LIMCH1: variants seen among roughly 807,000 people sequenced by gnomAD.
The protein encoded by LIMCH1 is LIM and calponin homology domains 1.
In LIMCH1, 113 loss-of-function variants were observed where a neutral mutation model predicts 176.5. The ratio of observed to expected loss-of-function variants is 0.64; its 90% CI spans 0.55 to 0.75. LIMCH1 has a LOEUF of 0.75. Among genes scored for constraint, LIMCH1 ranks in the 30% least tolerant of loss-of-function variants. LIMCH1 has a pLI of 0.00. For missense variants in LIMCH1, 1,674 were observed against 1,814.9 expected, an observed-to-expected ratio of 0.92 and a Z score of 1.41; for synonymous variants, 619 against 645.9, an observed-to-expected ratio of 0.96 and a Z score of 0.63.
At chr4:41,360,750 C>T (rs1328684013), upstream of LIMCH1, 6 of 883,922 alleles carry the variant, frequency 6.8e-6, no homozygotes, top group African/African-American at 1.8e-5. The surrounding 1 kb of genome is among the most constrained non-coding windows in gnomAD (Gnocchi z 4.5). Flanking sequence ...GGGAGGCCGG[C>T]GGGCGGGAAG....
chr4:41,402,524 C>T (rs1455556553), intron 1 of LIMCH1, among the ~76,000 whole-genome samples: 1 of 140,136 alleles, frequency 7.1e-6, no homozygotes, highest in Non-Finnish European at 1.5e-5. Flanking sequence ...GACACATGCA[C>T]ACGTATGTTT....
At chr4:41,605,037 A>G (rs923044510) in intron 3 of LIMCH1, among the ~76,000 whole-genome samples, 8 of 152,180 alleles carry the variant, frequency 5.3e-5, no homozygotes, top group Non-Finnish European at 1.5e-5. Context: ...TAGCTTCTAC[A>G]TGGGCCTCAG....
intron 22 of LIMCH1, among the ~76,000 whole-genome samples, chr4:41,672,608 T>C (rs140130710): frequency 3.4e-4 from 52 of 152,350 alleles, no homozygotes; most frequent in Middle Eastern, 3.4e-3. Flanking sequence ...CTTTCTATTT[T>C]GTATTTTAAT....
Position 41,619,396 on chromosome 4 carries a change from C to G in LIMCH1, c.414C>G (p.Ser138Arg), listed in dbSNP as rs2092391251. The stretch of plus-strand genomic sequence containing the variant: ...CAGAGAGAGAGGAATACCGCAAGAG[C>G]TGGAGTACCGCCACCTCCCCGCTGG... ...KKAEREEYRK[S>R]WSTATSPLGG... The change falls in exon 6 of 32, where the codon AGC becomes AGG. Residue 138 changes from serine to arginine, a missense_variant. By Grantham distance (110) the Ser-to-Arg change is moderately radical. Transcript: ENST00000503057. 5 of 1,613,044 alleles carry G rather than the reference C, an allele frequency of 3.1e-6. No homozygotes were observed. Among genetic ancestry groups the G allele is most frequent in the Non-Finnish European group, 4.2e-6 (5 of 1,180,028 alleles).
At chr4:41,474,740 A>G (rs1212597930) in intron 1 of LIMCH1, among the ~76,000 whole-genome samples, 3 of 152,236 alleles carry the variant, frequency 2.0e-5, no homozygotes, top group Non-Finnish European at 2.9e-5. Flanking sequence ...GTAAATTAGT[A>G]TAGCCATTTT....
chr4:41,464,904 C>G (rs2065905887), intron 1 of LIMCH1, among the ~76,000 whole-genome samples: 2 of 152,178 alleles, frequency 1.3e-5, no homozygotes, highest in South Asian at 4.2e-4. Flanking sequence ...AGTGAATTAT[C>G]TCTGAGGGTG....
At chr4:41,412,717 T>C (rs1264063555) in intron 1 of LIMCH1, among the ~76,000 whole-genome samples, 1 of 152,126 alleles carries the variant, frequency 6.6e-6, no homozygotes, top group East Asian at 1.9e-4. Flanking sequence ...CAAGAGACTC[T>C]GGGGAAGTGA....
chr4:41,633,805 A>C lies in LIMCH1; in HGVS notation c.2087A>C (p.Gln696Pro). 6.5e-7 allele frequency: 1 copy of C among 1,535,694 alleles called. No individual in the cohort carries two copies. The highest frequency in any genetic ancestry group is 8.7e-7 in the Non-Finnish European group (1 of 1,146,512). ...TCTAAAGGTCTACCCATGAAAGATC[A>C]GAGGTCAGAAAGTTATTCTGTGCCC... ...ESSKGLPMKD[Q>P]RYGPRTPVSD... Residue 696 changes from glutamine to proline, a missense_variant, in exon 13 of 32, where the codon CAG becomes CCG. Coordinates refer to ENST00000503057, the MANE Select transcript of LIMCH1 (RefSeq NM_001330672.2).
At chr4:41,677,837 AAAAT>A (rs200541073) in intron 23 of LIMCH1, among the ~76,000 whole-genome samples, 7 of 152,050 alleles carry the variant, frequency 4.6e-5, no homozygotes, top group South Asian at 2.1e-4. Context: ...TGATTTTACA[AAAAT>A]AAATAAATAA....
intron 1 of LIMCH1, among the ~76,000 whole-genome samples, chr4:41,579,981 G>C (rs868043740): frequency 2.0e-5 from 3 of 152,308 alleles, no homozygotes; most frequent in Middle Eastern, 3.4e-3. Context: ...CAGCCTTCGG[G>C]GAGGGCACCA....
chr4:41,405,656 G>A (rs1443602044), intron 1 of LIMCH1, among the ~76,000 whole-genome samples: 1 of 152,092 alleles, frequency 6.6e-6, no homozygotes, highest in South Asian at 2.1e-4. Context: ...CTTGTGCATA[G>A]TAGCTGTTCA....
At chr4:41,451,265 G>A (rs2063838092) in intron 1 of LIMCH1, among the ~76,000 whole-genome samples, 1 of 150,718 alleles carries the variant, frequency 6.6e-6, no homozygotes. Context: ...ACAGGGATGT[G>A]CCACCACGCC....
chr4:41,557,719 G>A (rs1191183934), intron 1 of LIMCH1, among the ~76,000 whole-genome samples: 1 of 152,100 alleles, frequency 6.6e-6, no homozygotes, highest in East Asian at 1.9e-4. Context: ...TCCCGACACT[G>A]CATGGAAGGA....
At chr4:41,364,284 A>T (rs543125717) in intron 1 of LIMCH1, among the ~76,000 whole-genome samples, 4 of 152,296 alleles carry the variant, frequency 2.6e-5, no homozygotes, top group African/African-American at 7.2e-5. Flanking sequence ...AAGTATGGTT[A>T]GTAGTATTAT....
intron 1 of LIMCH1, among the ~76,000 whole-genome samples, chr4:41,575,216 C>T (rs754153486): frequency 3.9e-5 from 6 of 152,178 alleles, no homozygotes; most frequent in Non-Finnish European, 7.4e-5. Context: ...TTTTTAAAAG[C>T]ATCGCTGATT....
In LIMCH1 at chr4:41,372,820, A is replaced by G. The variant is rs1167768048; in HGVS notation, c.96+11884A>G. Among the ~76,000 whole-genome samples, 4 of 152,280 alleles carry G rather than the reference A, an allele frequency of 2.6e-5. No individual in the cohort carries two copies. In the South Asian group the frequency reaches 8.3e-4, roughly 32 times the overall value. On this transcript the variant is annotated intron_variant, in intron 1 of 26. Transcript: ENST00000313860. ...ACAGGAGTTACTTATTGTGAGTGAG[A>G]AGCTTAAGTGAGTTGGAAATGAGGA...
At chr4:41,620,028 G>A in intron 6 of LIMCH1, 1 of 200,948 alleles carries the variant, frequency 5.0e-6, no homozygotes, top group South Asian at 9.9e-5. Context: ...TAGGCATTGG[G>A]GACCCAATAA....
intron 3 of LIMCH1, among the ~76,000 whole-genome samples, chr4:41,529,182 C>A (rs1248958174): frequency 1.3e-5 from 2 of 152,168 alleles, no homozygotes; most frequent in Non-Finnish European, 2.9e-5. Context: ...TCTTGAAACT[C>A]AATTTAGTGG....
chr4:41,596,934 G>A (rs1306008027), intron 1 of LIMCH1, among the ~76,000 whole-genome samples: 1 of 152,016 alleles, frequency 6.6e-6, no homozygotes, highest in Non-Finnish European at 1.5e-5. Flanking sequence ...CCTCACTGGG[G>A]GAAAATAAAG....
Sources: allele counts gnomAD v4.1 joint callset (sites outside exome capture counted in the v4.1 genomes callset), GRCh38; gene constraint gnomAD v4.1.1; non-coding constraint Gnocchi (gnomAD v3.1); transcripts MANE v1.5; gene names NCBI Gene and HGNC (gene_info 2026-07-23, HGNC 2026-07-21).